FADS1: variants seen among roughly 807,000 people sequenced by gnomAD.
The protein encoded by FADS1 is acyl-CoA (8-3)-desaturase.
Under a neutral mutation model 61.6 loss-of-function variants are expected in FADS1, and 17 were observed. The ratio of observed to expected loss-of-function variants is 0.28; its 90% CI spans 0.19 to 0.41. FADS1 has a LOEUF of 0.41. Among genes scored for constraint, FADS1 ranks in the 10% least tolerant of loss-of-function variants. The pLI is 1.00. For synonymous variants in FADS1, 238 were observed against 258.7 expected, an observed-to-expected ratio of 0.92 and a Z score of 0.77; for missense variants, 387 against 650.9, an observed-to-expected ratio of 0.59 and a Z score of 4.41.
chr11:61,804,672 C>T lies in FADS1; in HGVS notation c.1053+13G>A. On this transcript the variant is annotated intron_variant, in intron 7 of 11. Transcript: ENST00000350997. ...AGACAAGGATGTGGGCTTCTTGGGC[C>T]ATGGATACTCACCACCCACTTCTTT... 1 of 1,611,484 alleles carries T rather than the reference C, an allele frequency of 6.2e-7. No homozygotes were observed. Among genetic ancestry groups the T allele is most frequent in the Non-Finnish European group, 8.5e-7 (1 of 1,177,760 alleles).
intron 2 of FADS1, 34 bp downstream of exon 2, chr11:61,813,209 C>A (rs1293827313): frequency 1.5e-6 from 2 of 1,296,408 alleles, no homozygotes; most frequent in Non-Finnish European, 2.2e-6. Flanking sequence ...CCTCAACAAC[C>A]AATAGTTGCG....
At chr11:61,810,107 C>T (rs921354183) in intron 5 of FADS1, among the ~76,000 whole-genome samples, 1 of 152,292 alleles carries the variant, frequency 6.6e-6, no homozygotes, top group African/African-American at 2.4e-5. Flanking sequence ...TAGAACCTTC[C>T]ATTGCCTAAT....
At chr11:61,809,375 C>T (rs779444198) in intron 5 of FADS1, among the ~76,000 whole-genome samples, 2 of 152,088 alleles carry the variant, frequency 1.3e-5, no homozygotes, top group Non-Finnish European at 2.9e-5. Context: ...CACAGGGTTG[C>T]GCTGTTACCC....
intron 5 of FADS1, among the ~76,000 whole-genome samples, chr11:61,807,049 T>G (rs565047132): frequency 4.4e-4 from 67 of 152,290 alleles, no homozygotes; most frequent in Admixed American, 1.8e-3. Context: ...CACTGCCCTC[T>G]CCCCTTTCTC....
chr11:61,805,140 A>G (rs763619283), intron 6 of FADS1: 7 of 359,864 alleles, frequency 1.9e-5, no homozygotes, highest in Admixed American at 4.4e-5. Context: ...ACACTTTTAA[A>G]AGGGTGCTAA....
chr11:61,802,559 G>A lies in FADS1; in HGVS notation c.1455-97C>T. The A allele has an allele frequency of 7.6e-7, 1 of 1,314,438 alleles. No individual in the cohort carries two copies. Among genetic ancestry groups the A allele is most frequent in the Non-Finnish European group, 1.1e-6 (1 of 933,652 alleles). 81.4% of individuals were successfully genotyped at this position (1,314,438 alleles called of 1,614,324 possible). On this transcript the variant is annotated intron_variant, in intron 11 of 11. Coordinates refer to ENST00000350997, the MANE Select transcript of FADS1 (RefSeq NM_013402.7). The surrounding 1 kb of genome is among the most constrained non-coding windows in gnomAD (Gnocchi z 4.2). ...AGGTTAAGGCCTTCTTCCATCTGGA[G>A]GTTTTCCTCCCCTCTACTTTAGAGA...
chr11:61,815,935 C>T lies in FADS1; in HGVS notation c.375+620G>A. On this transcript the variant is annotated intron_variant, in intron 1 of 11. Transcript: ENST00000350997. This position sits in a 1 kb window ranked among gnomAD's most constrained non-coding sequence, Gnocchi z 6.4. ...CCCAATCCCTTATGTACGCCAGCGG[C>T]CGCTTGCCCTCCCCGGCCAGCGCTG... 2.8e-6 allele frequency: 1 copy of T among 359,518 alleles called. No individual in the cohort carries two copies. Among genetic ancestry groups the T allele is most frequent in the East Asian group, 6.1e-5 (1 of 16,318 alleles). The allele number at this position is 359,518 out of a possible 1,614,324, so 22.3% of individuals were successfully genotyped here. A position where few individuals can be genotyped will look rare whatever the true frequency, so the allele number is the denominator to read the frequency against.
chr11:61,802,027 C>T lies in FADS1; in HGVS notation c.*384G>A, dbSNP rs1170709560. 16 of 227,856 alleles carry T rather than the reference C, an allele frequency of 7.0e-5. No homozygotes were observed. The South Asian group carries it at 7.8e-4, about 11-fold the overall frequency. The allele number at this position is 227,856 out of a possible 1,614,324, so 14.1% of individuals were successfully genotyped here. A position where few individuals can be genotyped will look rare whatever the true frequency, so the allele number is the denominator to read the frequency against. ...TCCTGGGTAGCTGGGATTACAGGCG[C>T]GTGCCACCACGCCCGGCATGAGTGG... On this transcript the variant is annotated 3_prime_UTR_variant, in exon 12 of 12. Transcript: ENST00000350997. This position sits in a 1 kb window ranked among gnomAD's most constrained non-coding sequence, Gnocchi z 4.2.
intron 5 of FADS1, among the ~76,000 whole-genome samples, chr11:61,809,027 C>G (rs1405950519): frequency 6.6e-6 from 1 of 152,260 alleles, no homozygotes; most frequent in Non-Finnish European, 1.5e-5. Context: ...TCTTACCACA[C>G]CCTTACCATG....
At chr11:61,805,705 G>C (rs149307120) in intron 6 of FADS1, 1 of 152,168 alleles carries the variant, frequency 6.6e-6, no homozygotes, top group African/African-American at 2.4e-5. Context: ...ATTTAAAGGC[G>C]TTTAAAGCTC....
chr11:61,816,349 C>A lies in FADS1; in HGVS notation c.375+206G>T, dbSNP rs763050225. On this transcript the variant is annotated intron_variant, in intron 1 of 11. Coordinates refer to ENST00000350997, the MANE Select transcript of FADS1 (RefSeq NM_013402.7). This position sits in a 1 kb window ranked among gnomAD's most constrained non-coding sequence, Gnocchi z 7.0. Reference sequence around the variant, plus strand: ...CGTGTTGTTGGCCTCCATCCCCACTCCCCAGACTCCACTTCTCCAGGCCTC... The same window carrying A: ...CGTGTTGTTGGCCTCCATCCCCACTACCCAGACTCCACTTCTCCAGGCCTC... 6.3e-7 allele frequency: 1 copy of A among 1,598,396 alleles called. No individual in the cohort carries two copies. Among genetic ancestry groups the A allele is most frequent in the African/African-American group, 1.3e-5 (1 of 75,046 alleles).
rs989060240 is a variant in FADS1 at position 61,800,164 on chromosome 11, G to C, written c.*2247C>G. ...CTATTTTGGAGTGAGGAAGCCAATG[G>C]AGGTACAACTCCTCAATTCTAAGTT... is the stretch of plus-strand genomic sequence containing the variant. On this transcript the variant is annotated 3_prime_UTR_variant, in exon 12 of 12. Transcript: ENST00000350997. 1 of 152,774 alleles carries C rather than the reference G, an allele frequency of 6.5e-6. No individual in the cohort carries two copies. Among genetic ancestry groups the C allele is most frequent in the African/African-American group, 2.4e-5 (1 of 41,442 alleles). 9.5% of individuals were successfully genotyped at this position (152,774 alleles called of 1,614,324 possible).
rs1270044182 is a variant in FADS1, at chr11:61,802,906, C to T, written c.1349G>A (p.Arg450Gln). 4 of 1,613,758 alleles carry T rather than the reference C, an allele frequency of 2.5e-6. No homozygotes were observed. Among genetic ancestry groups the T allele is most frequent in the Non-Finnish European group, 3.4e-6 (4 of 1,179,854 alleles). ...GGGAGCCACTTTGTGGTAATTGTGT[C>T]GAGGCATCGTGGGAAAAAGACTTTA... ...IEHHLFPTMP[R>Q]HNYHKVAPLV... The change falls in exon 11 of 12, where the codon CGA (arginine) becomes CAA (glutamine). Residue 450 changes from arginine (R) to glutamine (Q), a missense_variant. Physicochemically the swap from Arg to Gln is conservative, Grantham distance 43 (BLOSUM62 1). This residue lies in a region of FADS1 where 257 missense variants were observed against 533.3 expected (regional missense o/e 0.48). Transcript: ENST00000350997. The surrounding 1 kb of genome is among the most constrained non-coding windows in gnomAD (Gnocchi z 4.2).
chr11:61,805,669 CCCTT>C (rs2066888100), intron 6 of FADS1: 1 of 152,192 alleles, frequency 6.6e-6, no homozygotes. Flanking sequence ...TGGACTCCTT[CCCTT>C]CCTTCTTTAA....
In FADS1 at chr11:61,803,987, C is replaced by A. The variant is rs900935579; in HGVS notation, c.1054-220G>T. ...TTCTTGCATGTCCCCTTCAAAAGTACCAAGGCCTACAAGGTCTCTTTGCCT... is the reference window on the plus strand; with the variant it reads ...TTCTTGCATGTCCCCTTCAAAAGTAACAAGGCCTACAAGGTCTCTTTGCCT... On this transcript the variant is annotated intron_variant, in intron 7 of 11. Transcript: ENST00000350997. The surrounding 1 kb of genome is among the most constrained non-coding windows in gnomAD (Gnocchi z 4.3). 7 of 579,290 alleles carry A rather than the reference C, an allele frequency of 1.2e-5. No homozygotes were observed. Among genetic ancestry groups the A allele is most frequent in the Admixed American group, 6.1e-5 (2 of 32,726 alleles). The allele number at this position is 579,290 out of a possible 1,614,324, so 35.9% of individuals were successfully genotyped here.
chr11:61,805,074 A>C (rs2066883954), intron 6 of FADS1: 1 of 471,810 alleles, frequency 2.1e-6, no homozygotes, highest in South Asian at 4.8e-5. Context: ...CTGCTCCCAC[A>C]CCTTTATTAT....
chr11:61,816,200 T>G lies in FADS1; in HGVS notation c.375+355A>C, dbSNP rs2066980786. On this transcript the variant is annotated intron_variant, in intron 1 of 11. Coordinates refer to ENST00000350997, the MANE Select transcript of FADS1 (RefSeq NM_013402.7). This position sits in a 1 kb window ranked among gnomAD's most constrained non-coding sequence, Gnocchi z 7.0. The stretch of plus-strand genomic sequence containing the variant: ...TGACCCCCTCCCTCCCCAGGCGGCC[T>G]GCATCCTTGCTCTCCTCCCTCCTAG... 2 of 1,526,838 alleles carry G rather than the reference T, an allele frequency of 1.3e-6. No homozygotes were observed. Among genetic ancestry groups the G allele is most frequent in the African/African-American group, 2.7e-5 (2 of 73,206 alleles). 94.6% of individuals were successfully genotyped at this position (1,526,838 alleles called of 1,614,324 possible). A position where few individuals can be genotyped will look rare whatever the true frequency, so the allele number is the denominator to read the frequency against.
chr11:61,812,829 G>T (rs1279722090), intron 2 of FADS1, among the ~76,000 whole-genome samples, 161 bp from the exon 3 acceptor site: 2 of 152,192 alleles, frequency 1.3e-5, no homozygotes, highest in African/African-American at 2.4e-5. Flanking sequence ...AGGAGGAGGT[G>T]CCATGGGATA....
intron 7 of FADS1, chr11:61,804,069 G>T (rs192288032): frequency 6.3e-5 from 29 of 458,132 alleles, no homozygotes; most frequent in African/African-American, 5.5e-4. Context: ...AATCTGCCAG[G>T]ACCATGGCTC....
Sources: allele counts gnomAD v4.1 joint callset (sites outside exome capture counted in the v4.1 genomes callset), GRCh38; gene constraint gnomAD v4.1.1; regional missense constraint gnomAD v4.1.1; non-coding constraint Gnocchi (gnomAD v3.1); transcripts MANE v1.5; gene names NCBI Gene and HGNC (gene_info 2026-07-23, HGNC 2026-07-21).